Variants in SLC37A3 observed in about 807,000 individuals in gnomAD.
The protein encoded by SLC37A3 is sugar phosphate exchanger 3.
SLC37A3 carries 51 observed loss-of-function variants against 67.1 expected under a neutral mutation model. The ratio of observed to expected loss-of-function variants is 0.76; its 90% CI spans 0.61 to 0.96. The LOEUF (loss-of-function observed/expected upper bound fraction) is 0.96. SLC37A3 is among the 40% of genes least tolerant of loss of function. The pLI is 0.00. For missense variants in SLC37A3, 508 were observed against 603.0 expected, an observed-to-expected ratio of 0.84 and a Z score of 1.65; for synonymous variants, 214 against 231.4, an observed-to-expected ratio of 0.92 and a Z score of 0.68.
intron 9 of SLC37A3, 92 bp downstream of exon 9, chr7:140,351,181 G>T: frequency 7.9e-7 from 1 of 1,266,208 alleles, no homozygotes; most frequent in South Asian, 1.5e-5. Flanking sequence ...TCCAACAGAG[G>T]CTCAATACTT....
chr7:140,372,861 T>C (rs1179072016), intron 3 of SLC37A3, among the ~76,000 whole-genome samples: 1 of 147,136 alleles, frequency 6.8e-6, no homozygotes, highest in Non-Finnish European at 1.5e-5. Flanking sequence ...AGACTCTATC[T>C]CAAAAAAAAA....
intron 1 of SLC37A3, among the ~76,000 whole-genome samples, chr7:140,394,757 C>T (rs1798852883): frequency 6.6e-6 from 1 of 151,442 alleles, no homozygotes; most frequent in Non-Finnish European, 1.5e-5. Context: ...TACAGGCATG[C>T]ACCACCACGT....
At chr7:140,396,644 TG>T in intron 1 of SLC37A3, among the ~76,000 whole-genome samples, 1 of 152,276 alleles carries the variant, frequency 6.6e-6, no homozygotes, top group East Asian at 1.9e-4. Flanking sequence ...ACATTAACAC[TG>T]ATGAACAGAG....
chr7:140,395,050 ATAGT>A (rs1798863649), intron 1 of SLC37A3, among the ~76,000 whole-genome samples: 1 of 152,116 alleles, frequency 6.6e-6, no homozygotes, highest in Admixed American at 6.6e-5. Flanking sequence ...ATAAAATACA[ATAGT>A]TAGAACTATC....
intron 13 of SLC37A3, among the ~76,000 whole-genome samples, chr7:140,338,465 T>C (rs544945280): frequency 6.6e-6 from 1 of 152,136 alleles, no homozygotes; most frequent in South Asian, 2.1e-4. Flanking sequence ...GTAAACTACA[T>C]TGGAACTTCA....
intron 3 of SLC37A3, among the ~76,000 whole-genome samples, chr7:140,372,261 AG>A (rs1797851381): frequency 6.6e-6 from 1 of 152,234 alleles, no homozygotes; most frequent in Non-Finnish European, 1.5e-5. Flanking sequence ...AGATACAGAA[AG>A]GGTTCTTCAA....
In SLC37A3 at chr7:140,362,079, G is replaced by A. The variant is rs562225332; in HGVS notation, c.375+2329C>T. 5.8e-4 allele frequency among the ~76,000 whole-genome samples: 69 copies of A among 117,958 alleles called. 1 individual carries two copies. Among genetic ancestry groups the A allele is most frequent in the African/African-American group, 2.0e-3 (62 of 30,892 alleles). The allele number at this position is 117,958 out of a possible 152,430, so 77.4% of individuals were successfully genotyped here. A position where few individuals can be genotyped will look rare whatever the true frequency, so the allele number is the denominator to read the frequency against. ...TGGAAAGTGAGGAGCGTCTCTGCCC[G>A]GCCACCATCCCATCTAGGAAGTGAG... is the stretch of plus-strand genomic sequence containing the variant. On this transcript the variant is annotated intron_variant, in intron 5 of 14. Coordinates refer to ENST00000326232, the MANE Select transcript of SLC37A3 (RefSeq NM_207113.3).
chr7:140,394,997 T>C (rs549654743), intron 1 of SLC37A3, among the ~76,000 whole-genome samples: 1 of 152,148 alleles, frequency 6.6e-6, no homozygotes, highest in African/African-American at 2.4e-5. Flanking sequence ...CTATGTTATA[T>C]CATTTAAGGG....
At chr7:140,393,311 T>C (rs1428819354) in intron 1 of SLC37A3, among the ~76,000 whole-genome samples, 1 of 152,206 alleles carries the variant, frequency 6.6e-6, no homozygotes, top group Non-Finnish European at 1.5e-5. Flanking sequence ...TCCATCCATA[T>C]CAGCACCTGC....
intron 1 of SLC37A3, among the ~76,000 whole-genome samples, chr7:140,383,916 G>C (rs1402003517): frequency 1.3e-5 from 2 of 152,102 alleles, no homozygotes; most frequent in African/African-American, 4.8e-5. Context: ...AGCTCAAAGT[G>C]ATCTGCCCAC....
rs761655072 is a variant in SLC37A3, at chr7:140,335,387, G to A, written c.*25C>T. ...CAGCGGTCCTGATGTGGCTGACATT[G>A]TTCTTTCTGTCTCGCGGGCACCGGT... On this transcript the variant is annotated 3_prime_UTR_variant, in exon 15 of 15. Coordinates refer to ENST00000326232, the MANE Select transcript of SLC37A3 (RefSeq NM_207113.3). The A allele has an allele frequency of 6.2e-7, 1 of 1,614,142 alleles. No individual in the cohort carries two copies. The highest frequency in any genetic ancestry group is 1.7e-5 in the Admixed American group (1 of 60,006).
chr7:140,344,926 G>T (rs900999673), intron 12 of SLC37A3, among the ~76,000 whole-genome samples: 3 of 152,106 alleles, frequency 2.0e-5, no homozygotes, highest in Non-Finnish European at 2.9e-5. Flanking sequence ...CTCCCATGTG[G>T]CATTTTTCTA....
intron 3 of SLC37A3, among the ~76,000 whole-genome samples, chr7:140,374,674 A>C (rs1318128307): frequency 6.6e-6 from 1 of 151,984 alleles, no homozygotes; most frequent in Admixed American, 6.6e-5. Flanking sequence ...GACCCCCACC[A>C]TCTCTACAAA....
chr7:140,347,252 A>G (rs1796601415), intron 10 of SLC37A3, among the ~76,000 whole-genome samples: 1 of 151,846 alleles, frequency 6.6e-6, no homozygotes, highest in African/African-American at 2.4e-5. Context: ...ATCTCCAAAA[A>G]AAAAAAAAAA....
intron 7 of SLC37A3, among the ~76,000 whole-genome samples, chr7:140,354,776 C>T (rs572262473): frequency 3.7e-4 from 55 of 148,160 alleles, no homozygotes; most frequent in African/African-American, 1.4e-3. Flanking sequence ...GGTCTTGCTC[C>T]ATCACCAAGA....
intron 6 of SLC37A3, among the ~76,000 whole-genome samples, chr7:140,357,565 A>G (rs997960721): frequency 5.3e-5 from 6 of 112,368 alleles, no homozygotes; most frequent in African/African-American, 1.7e-4. Context: ...TCTCTACAGG[A>G]AAAAAAAAAA....
intron 3 of SLC37A3, chr7:140,370,292 G>A (rs1268137293): frequency 2.0e-5 from 3 of 152,088 alleles, no homozygotes; most frequent in South Asian, 2.1e-4. Context: ...GTGTATCATT[G>A]GAATGCTCAA....
intron 2 of SLC37A3, among the ~76,000 whole-genome samples, chr7:140,382,106 T>C (rs1798281420): frequency 6.6e-6 from 1 of 151,598 alleles, no homozygotes; most frequent in Non-Finnish European, 1.5e-5. Flanking sequence ...GCCTCCACAC[T>C]GTTGACATTT....
chr7:140,365,547 C>T (rs1416862117), intron 4 of SLC37A3, among the ~76,000 whole-genome samples: 5 of 152,252 alleles, frequency 3.3e-5, no homozygotes, highest in Admixed American at 1.3e-4. Context: ...ATGGTGAAAC[C>T]CTGTCTCTAC....
Sources: gnomAD v4.1 joint callset for allele counts (sites outside exome capture counted in the v4.1 genomes callset) on GRCh38, gnomAD v4.1.1 for gene constraint, MANE v1.5 for transcripts, NCBI Gene and HGNC (gene_info 2026-07-23, HGNC 2026-07-21) for gene names.